The following PDE6A variants were observed in gnomAD, a reference collection of about 807,000 sequenced individuals.
PDE6A encodes phosphodiesterase 6A, also known as rod cGMP-specific 3',5'-cyclic phosphodiesterase subunit alpha.
A neutral mutation model predicts 106.3 loss-of-function variants in PDE6A; 84 were observed. That is an observed-to-expected ratio of 0.79 (90% confidence interval 0.66 to 0.95). The LOEUF (loss-of-function observed/expected upper bound fraction) is 0.95, where lower values mean the gene tolerates loss of function less well. Ranked by LOEUF, PDE6A falls within the 40% of genes least tolerant of loss-of-function variation. PDE6A has a pLI of 0.00. For synonymous variants in PDE6A, 394 were observed against 386.6 expected, an observed-to-expected ratio of 1.02 and a Z score of -0.23; for missense variants, 1,052 against 1,084.9, an observed-to-expected ratio of 0.97 and a Z score of 0.43.
chr5:149,903,722 AG>A, intron 7 of PDE6A, 27 bp from the exon 8 acceptor site: 1 of 1,594,098 alleles, frequency 6.3e-7, no homozygotes, highest in Non-Finnish European at 8.6e-7. Flanking sequence ...GGAATAATGA[AG>A]GTGTGATTAG....
At chr5:149,914,728 C>T (rs1169636373) in intron 6 of PDE6A, among the ~76,000 whole-genome samples, 1 of 151,092 alleles carries the variant, frequency 6.6e-6, no homozygotes, top group Non-Finnish European at 1.5e-5. Flanking sequence ...CTCCCTCTCC[C>T]ACCTTATAAG....
At position 149,886,363 on chromosome 5, in the gene PDE6A, C is replaced by A; in HGVS notation, c.1740G>T (p.Leu580=). Residue 580 remains leucine, a synonymous_variant, in exon 14 of 22, where the codon CTG becomes CTT. Transcript: ENST00000255266. ...CCTCTAGGTCCGTGAAGTAGCGCTT[C>A]AGCTTTCCCGTCTGGAAGGGCAATC... The part of the protein sequence containing the change: ...TMFSLLVTGK[L]KRYFTDLEAL... 6.2e-7 allele frequency: 1 copy of A among 1,613,908 alleles called. No individual in the cohort carries two copies. The highest frequency in any genetic ancestry group is 8.5e-7 in the Non-Finnish European group (1 of 1,179,750).
chr5:149,872,479 G>A (rs1163865092), intron 17 of PDE6A, among the ~76,000 whole-genome samples: 1 of 143,036 alleles, frequency 7.0e-6, no homozygotes, highest in Non-Finnish European at 1.6e-5. Flanking sequence ...AAAGCAAGCT[G>A]AGCTCTTATC....
At position 149,863,326 on chromosome 5, in the gene PDE6A, CG is replaced by C; in HGVS notation, c.2359-61del. 1 of 1,571,178 alleles carries C rather than the reference CG, an allele frequency of 6.4e-7. No individual in the cohort carries two copies. Among genetic ancestry groups the C allele is most frequent in the South Asian group, 1.1e-5 (1 of 90,030 alleles). Reference sequence around the variant, plus strand: ...CCAGGCCACAGGGTCTGGGCTCAAGCGGGTGGCACAGCTGGAAACGTCCAAC... The same window carrying C: ...CCAGGCCACAGGGTCTGGGCTCAAGCGGTGGCACAGCTGGAAACGTCCAAC... On this transcript the variant is annotated intron_variant, in intron 20 of 21. Coordinates refer to ENST00000255266, the MANE Select transcript of PDE6A (RefSeq NM_000440.3). The surrounding 1 kb of genome is among the most constrained non-coding windows in gnomAD (Gnocchi z 4.7).
At chr5:149,862,101 G>T (rs558449328) in intron 21 of PDE6A, among the ~76,000 whole-genome samples, 1 of 152,300 alleles carries the variant, frequency 6.6e-6, no homozygotes, top group Non-Finnish European at 1.5e-5. Flanking sequence ...AGAGCCATGG[G>T]TGAAGAGGGA....
chr5:149,930,915 C>G, intron 4 of PDE6A, 113 bp downstream of exon 4: 1 of 1,103,396 alleles, frequency 9.1e-7, no homozygotes, highest in Admixed American at 1.7e-5. Flanking sequence ...TACAACCATC[C>G]CAATTCACCC....
chr5:149,867,832 C>T, intron 18 of PDE6A, 33 bp from the exon 19 acceptor site: 2 of 1,599,142 alleles, frequency 1.3e-6, no homozygotes, highest in Non-Finnish European at 1.7e-6. Context: ...CACGCAGAGT[C>T]AGAGCCCCAG....
chr5:149,911,347 G>A (rs73798324), intron 6 of PDE6A, among the ~76,000 whole-genome samples: 4,040 of 152,150 alleles, frequency 0.027, 167 homozygotes, highest in African/African-American at 0.091. Flanking sequence ...TGACCAATCT[G>A]CTTTTTTGTT....
At chr5:149,903,497 C>A in intron 8 of PDE6A, 151 bp downstream of exon 8, 1 of 691,438 alleles carries the variant, frequency 1.4e-6, no homozygotes, top group Non-Finnish European at 2.6e-6. Context: ...ACTCTGTCCC[C>A]ATTTCCATTG....
intron 6 of PDE6A, among the ~76,000 whole-genome samples, chr5:149,914,001 A>T (rs993452153): frequency 6.6e-6 from 1 of 152,230 alleles, no homozygotes; most frequent in Non-Finnish European, 1.5e-5. Context: ...GTGGGGGCTG[A>T]GTCAGTTCCT....
At chr5:149,909,974 T>C (rs1045285994) in intron 6 of PDE6A, among the ~76,000 whole-genome samples, 1 of 152,216 alleles carries the variant, frequency 6.6e-6, no homozygotes, top group African/African-American at 2.4e-5. Context: ...AAATATTCTA[T>C]ATTCTGTTTG....
chr5:149,934,744 GAC>G, intron 1 of PDE6A, 26 bp from the exon 2 acceptor site: 1 of 1,612,750 alleles, frequency 6.2e-7, no homozygotes, highest in Non-Finnish European at 8.5e-7. Context: ...GATAAGCACG[GAC>G]AGGCAAATGA....
intron 3 of PDE6A, chr5:149,932,763 T>G: frequency 9.8e-7 from 1 of 1,024,936 alleles, no homozygotes; most frequent in South Asian, 1.4e-5. Flanking sequence ...GTGCTTCATA[T>G]TAAATCCTTT....
chr5:149,868,246 C>T, intron 17 of PDE6A, 88 bp from the exon 18 acceptor site: 2 of 1,291,568 alleles, frequency 1.5e-6, no homozygotes, highest in Non-Finnish European at 2.2e-6. Flanking sequence ...TTTCTCCACC[C>T]CCACTAGTAG....
chr5:149,937,111 A>G (rs867282357), intron 1 of PDE6A, among the ~76,000 whole-genome samples: 1 of 152,284 alleles, frequency 6.6e-6, no homozygotes, highest in South Asian at 2.1e-4. Context: ...GTGGGTAGGG[A>G]GCCTTCTCTG....
In PDE6A at chr5:149,944,278, G is replaced by A. The variant is rs776953311; in HGVS notation, c.396C>T (p.Ile132=). The A allele has an allele frequency of 8.1e-6, 13 of 1,613,928 alleles. No homozygotes were observed. The highest frequency in any genetic ancestry group is 1.3e-5 in the African/African-American group (1 of 74,956). Residue 132 remains isoleucine (I), a synonymous_variant, in exon 1 of 22, where the codon ATC becomes ATT. Transcript: ENST00000255266. ...CGATGCCCATGTCCAAAGGGAAGAC[G>A]ATCTCTTGGTCGGGCATCACCAGGC... ...EDCLVMPDQE[I]VFPLDMGIVG... is the part of the protein sequence containing the mutation.
intron 5 of PDE6A, among the ~76,000 whole-genome samples, chr5:149,918,058 C>T (rs939883260): frequency 1.2e-4 from 19 of 152,162 alleles, no homozygotes; most frequent in Admixed American, 1.0e-3. Flanking sequence ...AAAGACCCTC[C>T]AAGCTATGAT....
Position 149,914,929 on chromosome 5 carries a change from C to G in PDE6A, c.998+14G>C. 1 of 1,579,262 alleles carries G rather than the reference C, an allele frequency of 6.3e-7. No individual in the cohort carries two copies. Among genetic ancestry groups the G allele is most frequent in the Non-Finnish European group, 8.7e-7 (1 of 1,149,062 alleles). On this transcript the variant is annotated intron_variant, in intron 6 of 21. Transcript: ENST00000255266. ...AATTTGTTGTCATTTTGTCTTTTGA[C>G]AGGTGAAACTTACGGGATGACTTTG...
chr5:149,886,351 G>T lies in PDE6A; in HGVS notation c.1752C>A (p.Phe584Leu). The T allele has an allele frequency of 3.7e-6, 6 of 1,614,058 alleles. No homozygotes were observed. Among genetic ancestry groups the T allele is most frequent in the Non-Finnish European group, 5.1e-6 (6 of 1,179,894 alleles). ...LLVTGKLKRY[F>L]TDLEALAMVT... Reference sequence around the variant, plus strand: ...CCATGGCCAAGGCCTCTAGGTCCGTGAAGTAGCGCTTCAGCTTTCCCGTCT... The same window carrying T: ...CCATGGCCAAGGCCTCTAGGTCCGTTAAGTAGCGCTTCAGCTTTCCCGTCT... The change falls in exon 14 of 22, where the codon TTC becomes TTA. Residue 584 changes from phenylalanine to leucine, a missense_variant. Phe to Leu is a conservative substitution (Grantham distance 22). Transcript: ENST00000255266.
Sources: gnomAD v4.1 joint callset for allele counts (sites outside exome capture counted in the v4.1 genomes callset) on GRCh38, gnomAD v4.1.1 for gene constraint, Gnocchi (gnomAD v3.1) non-coding constraint, MANE v1.5 for transcripts, NCBI Gene and HGNC (gene_info 2026-07-23, HGNC 2026-07-21) for gene names.